Variants in PLCD1 observed in about 807,000 individuals in gnomAD.
PLCD1 encodes the protein phospholipase C delta 1, also known as 1-phosphatidylinositol 4,5-bisphosphate phosphodiesterase delta-1.
In PLCD1, 71 loss-of-function variants were observed where a neutral mutation model predicts 87.4. That is an observed-to-expected ratio of 0.81 (90% CI 0.67 to 0.99). The LOEUF is 0.99. Among genes scored for constraint, PLCD1 ranks in the 50% least tolerant of loss-of-function variants. The probability of loss-of-function intolerance (pLI) is 0.00; values close to 1 mark genes in which losing one functional copy is unlikely to be tolerated. For missense variants in PLCD1, 867 were observed against 1,001.5 expected (o/e 0.87, Z 1.81); for synonymous variants, 348 against 399.2 (o/e 0.87, Z 1.53).
At chr3:38,019,273 C>T (rs755993374) in intron 2 of PLCD1, among the ~76,000 whole-genome samples, 5 of 152,158 alleles carry the variant, frequency 3.3e-5, no homozygotes, top group African/African-American at 4.8e-5. Context: ...AATTCAGCAG[C>T]CACTAGCCAC....
chr3:38,009,883 TC>T lies in PLCD1; in HGVS notation c.1287+20del. On this transcript the variant is annotated intron_variant, in intron 8 of 14. Coordinates refer to ENST00000334661, the MANE Select transcript of PLCD1 (RefSeq NM_006225.4). ...TAGGCTCCCCACCCTCCCCCAGGGA[TC>T]CCCCATCCCCACCACACACCTCAGG... The T allele has an allele frequency of 1.9e-6, 3 of 1,595,872 alleles. No individual in the cohort carries two copies. The highest frequency in any genetic ancestry group is 2.6e-6 in the Non-Finnish European group (3 of 1,171,000).
chr3:38,008,887 A>G (rs1438294035), intron 11 of PLCD1, 155 bp downstream of exon 11: 3 of 682,942 alleles, frequency 4.4e-6, no homozygotes, highest in African/African-American at 3.6e-5. Context: ...TGGTGGGCAG[A>G]TATTTCCAGA....
intron 9 of PLCD1, 35 bp downstream of exon 9, chr3:38,009,618 C>T (rs1201621223): frequency 1.4e-5 from 22 of 1,613,234 alleles, no homozygotes; most frequent in Non-Finnish European, 1.9e-5. Flanking sequence ...ATGGGGAAGG[C>T]CCGGGCTGCC....
chr3:38,019,689 CTCTG>C (rs980011430), intron 2 of PLCD1, among the ~76,000 whole-genome samples: 1 of 152,144 alleles, frequency 6.6e-6, no homozygotes. Context: ...CAGCAGTGGC[CTCTG>C]TCTGTGTGTC....
chr3:38,027,758 C>T (rs1297368219), intron 1 of PLCD1, among the ~76,000 whole-genome samples: 1 of 152,256 alleles, frequency 6.6e-6, no homozygotes, highest in Non-Finnish European at 1.5e-5. Context: ...TGGAACAGCA[C>T]AGGGCACAGT....
intron 3 of PLCD1, among the ~76,000 whole-genome samples, chr3:38,011,910 G>A (rs1700084334): frequency 6.6e-6 from 1 of 152,056 alleles, no homozygotes; most frequent in Non-Finnish European, 1.5e-5. Flanking sequence ...CTACAAAAGG[G>A]CCCACTGTAG....
chr3:38,026,836 A>G (rs1243518492), intron 1 of PLCD1, among the ~76,000 whole-genome samples: 1 of 152,254 alleles, frequency 6.6e-6, no homozygotes, highest in Non-Finnish European at 1.5e-5. Context: ...CTGCTATCCC[A>G]TGGATGATTC....
At position 38,025,084 on chromosome 3, in the gene PLCD1, T is replaced by G. The variant is rs901117227; in HGVS notation, c.34+4422A>C. 6.6e-6 allele frequency among the ~76,000 whole-genome samples: 1 copy of G among 151,110 alleles called. No homozygotes were observed. The highest frequency in any genetic ancestry group is 2.4e-5 in the African/African-American group (1 of 40,918). Reference sequence around the variant, plus strand: ...AGGCGGAGCTCAGGCCGGGAGCCTCTGCTCCAGAGGCGACGTGGAGGCAGA... The same window carrying G: ...AGGCGGAGCTCAGGCCGGGAGCCTCGGCTCCAGAGGCGACGTGGAGGCAGA... On this transcript the variant is annotated intron_variant, in intron 1 of 14. Coordinates refer to ENST00000334661, the MANE Select transcript of PLCD1 (RefSeq NM_006225.4). This position sits in a 1 kb window ranked among gnomAD's most constrained non-coding sequence, Gnocchi z 4.0.
rs1700047050 is a variant in PLCD1 at position 38,010,141 on chromosome 3, T to G, written c.1127A>C (p.Tyr376Ser). The change falls in exon 7 of 15, where the codon TAT (tyrosine) becomes TCT (serine). Residue 376 changes from tyrosine (Y) to serine (S), a missense_variant. Transcript: ENST00000334661. Reference sequence around the variant, plus strand: ...CAGGGGCACTCCCACCTTGAAGGCATAGTCCCGGATGGCCCTGAGCACATC... The same window carrying G: ...CAGGGGCACTCCCACCTTGAAGGCAGAGTCCCGGATGGCCCTGAGCACATC... ...FCDVLRAIRD[Y>S]AFKASPYPVI... The G allele has an allele frequency of 1.9e-6, 3 of 1,614,230 alleles. No individual in the cohort carries two copies. In the East Asian group the frequency reaches 6.7e-5, roughly 36 times the overall value.
Position 38,017,210 on chromosome 3 carries a change from A to G in PLCD1, c.200-491T>C, listed in dbSNP as rs997763422. 6.6e-6 allele frequency among the ~76,000 whole-genome samples: 1 copy of G among 152,084 alleles called. No individual in the cohort carries two copies. The highest frequency in any genetic ancestry group is 1.5e-5 in the Non-Finnish European group (1 of 67,994). ...CTTTGGGTCTGTCCTGACCCGATAA[A>G]GCCACAAGAGCCACCAGGCCCCTCT... On this transcript the variant is annotated intron_variant, in intron 2 of 14. Coordinates refer to ENST00000334661, the MANE Select transcript of PLCD1 (RefSeq NM_006225.4). The surrounding 1 kb of genome is among the most constrained non-coding windows in gnomAD (Gnocchi z 4.7).
intron 1 of PLCD1, 147 bp downstream of exon 1, chr3:38,029,359 T>G (rs1700339257): frequency 2.7e-6 from 2 of 752,600 alleles, no homozygotes; most frequent in Non-Finnish European, 4.5e-6. Context: ...GCTGAGATTT[T>G]CCCAGTCCGG....
At position 38,011,222 on chromosome 3, in the gene PLCD1, C is replaced by T; in HGVS notation, c.782G>A (p.Ser261Asn). 1 of 1,608,542 alleles carries T rather than the reference C, an allele frequency of 6.2e-7. No homozygotes were observed. Among genetic ancestry groups the T allele is most frequent in the Non-Finnish European group, 8.5e-7 (1 of 1,179,398 alleles). The change falls in exon 5 of 15, where the codon AGC becomes AAC. Residue 261 changes from serine (S) to asparagine (N), a missense_variant. Coordinates refer to ENST00000334661, the MANE Select transcript of PLCD1 (RefSeq NM_006225.4). ...ALSLIERYEP[S>N]ETAKAQRQMT... ...CCTGGTCAGGCTCTCACCAGTCTCG[C>T]TGGGCTCGTAGCGCTCAATGAGGGA... is the stretch of plus-strand genomic sequence containing the variant.
chr3:38,010,330 G>C, intron 6 of PLCD1, 31 bp downstream of exon 6: 1 of 1,614,164 alleles, frequency 6.2e-7, no homozygotes, highest in Non-Finnish European at 8.5e-7. Context: ...GTCCCACCCA[G>C]ACTCCCGACC....
chr3:38,010,478 C>T lies in PLCD1; in HGVS notation c.875G>A (p.Arg292His), dbSNP rs752737739. 27 of 1,613,966 alleles carry T rather than the reference C, an allele frequency of 1.7e-5. No homozygotes were observed. Among genetic ancestry groups the T allele is most frequent in the Admixed American group, 1.7e-4 (10 of 59,996 alleles). ...ADGSAFSLAH[R>H]RVYQDMGQPL... ...CTGGCCCATGTCCTGGTAGACACGG[C>T]GGTGTGCCAGGCTGAAGGCGCTGCC... Residue 292 changes from arginine (R) to histidine (H), a missense_variant, in exon 6 of 15, where the codon CGC (arginine) becomes CAC (histidine). Arg to His is a conservative substitution (Grantham distance 29). Transcript: ENST00000334661.
Position 38,029,513 on chromosome 3 carries a change from G to A in PLCD1, c.27C>T (p.Thr9=). 1.3e-6 allele frequency: 2 copies of A among 1,539,430 alleles called. No homozygotes were observed. The highest frequency in any genetic ancestry group is 1.7e-6 in the Non-Finnish European group (2 of 1,146,520). ...CGCGGGCCAGGCACTCACCGTGCAG[G>A]GTCAGGAAGTCCCGGCCCGAGTCCA... MDSGRDFL[T]LHGLQDDEDL... The change falls in exon 1 of 15, where the codon ACC becomes ACT. Residue 9 remains threonine (T), a synonymous_variant. Transcript: ENST00000334661.
chr3:38,024,543 C>G, intron 1 of PLCD1: 2 of 1,512,824 alleles, frequency 1.3e-6, no homozygotes, highest in Non-Finnish European at 1.8e-6. Flanking sequence ...GGAACTGTCG[C>G]CCTTGGAGGG....
chr3:38,024,234 G>C, intron 1 of PLCD1: 1 of 1,002,492 alleles, frequency 1.0e-6, no homozygotes, highest in East Asian at 2.6e-5. Context: ...CCAATTAAAG[G>C]CTCCAAGGCA....
chr3:38,029,634 G>T lies in PLCD1; in HGVS notation c.-95C>A. On this transcript the variant is annotated 5_prime_UTR_variant, in exon 1 of 15. Coordinates refer to ENST00000334661, the MANE Select transcript of PLCD1 (RefSeq NM_006225.4). ...GGGTCCGAGCGGAGTGCGGTGCAGG[G>T]ACCTGAATGGACCGCGGTGGGAGGA... is the stretch of plus-strand genomic sequence containing the variant. 1 of 1,098,250 alleles carries T rather than the reference G, an allele frequency of 9.1e-7. No individual in the cohort carries two copies. The highest frequency in any genetic ancestry group is 1.6e-5 in the African/African-American group (1 of 63,668). The allele number at this position is 1,098,250 out of a possible 1,614,324, so 68.0% of individuals were successfully genotyped here.
At chr3:38,014,992 G>A (rs200449155) in intron 3 of PLCD1, among the ~76,000 whole-genome samples, 22 of 152,156 alleles carry the variant, frequency 1.4e-4, no homozygotes, top group African/African-American at 5.1e-4. Flanking sequence ...TGAAACCCTC[G>A]TATACTGCTG....
Sources: gnomAD v4.1 joint callset for allele counts (sites outside exome capture counted in the v4.1 genomes callset) on GRCh38, gnomAD v4.1.1 for gene constraint, Gnocchi (gnomAD v3.1) non-coding constraint, MANE v1.5 for transcripts, NCBI Gene and HGNC (gene_info 2026-07-23, HGNC 2026-07-21) for gene names.